Variants in LRIG1 observed in about 807,000 individuals in gnomAD.
The protein encoded by LRIG1 is leucine rich repeats and immunoglobulin like domains 1.
Under a neutral mutation model 99.2 loss-of-function variants are expected in LRIG1, and 48 were observed. The ratio of observed to expected loss-of-function variants is 0.48; its 90% CI spans 0.38 to 0.62. The LOEUF is 0.62. LRIG1 is among the 20% of genes least tolerant of loss of function. The pLI, the probability that LRIG1 is intolerant of heterozygous loss-of-function variation, is 0.00. For synonymous variants in LRIG1, 772 were observed against 596.1 expected (o/e 1.29, Z -4.30); for missense variants, 1,646 against 1,434.4 (o/e 1.15, Z -2.38).
At position 66,410,373 on chromosome 3, in the gene LRIG1, C is replaced by T. The variant is rs1702426278; in HGVS notation, c.792-101G>A. On this transcript the variant is annotated intron_variant, in intron 6 of 18. Coordinates refer to ENST00000273261, the MANE Select transcript of LRIG1 (RefSeq NM_015541.3). ...CGCTGTACCTGACACTGCGGTCACA[C>T]CAAGGCTAGAACAGTGCACGACAGA... 21 of 1,173,576 alleles carry T rather than the reference C, an allele frequency of 1.8e-5. No individual in the cohort carries two copies. The South Asian group carries it at 2.3e-4, about 13-fold the overall frequency. The allele number at this position is 1,173,576 out of a possible 1,614,324, so 72.7% of individuals were successfully genotyped here.
At chr3:66,432,979 C>T (rs1703226910) in intron 3 of LRIG1, among the ~76,000 whole-genome samples, 1 of 152,214 alleles carries the variant, frequency 6.6e-6, no homozygotes, top group Admixed American at 6.5e-5. Flanking sequence ...CAGCCCACAG[C>T]ATGTCAACAC....
chr3:66,465,468 A>G (rs1700453002), intron 1 of LRIG1, among the ~76,000 whole-genome samples: 1 of 147,000 alleles, frequency 6.8e-6, no homozygotes, highest in Non-Finnish European at 1.5e-5. Context: ...TTTTCAAGCA[A>G]TTCTCCTACC....
At chr3:66,440,554 G>C (rs1484123829) in intron 3 of LRIG1, among the ~76,000 whole-genome samples, 1 of 152,140 alleles carries the variant, frequency 6.6e-6, no homozygotes, top group Non-Finnish European at 1.5e-5. Context: ...ATTTTTATGG[G>C]ATGTAAATAG....
At chr3:66,390,605 G>T (rs1701579762) in intron 12 of LRIG1, among the ~76,000 whole-genome samples, 1 of 152,088 alleles carries the variant, frequency 6.6e-6, no homozygotes, top group African/African-American at 2.4e-5. Context: ...AAATTGACAA[G>T]CTGATCCAAA....
intron 3 of LRIG1, among the ~76,000 whole-genome samples, chr3:66,436,309 T>A (rs1277436141): frequency 6.6e-6 from 1 of 152,132 alleles, no homozygotes; most frequent in Non-Finnish European, 1.5e-5. Context: ...TGGGAGGTGT[T>A]CCATGGAAAG....
chr3:66,453,747 G>A (rs534320858), intron 2 of LRIG1, among the ~76,000 whole-genome samples: 31 of 152,252 alleles, frequency 2.0e-4, no homozygotes, highest in African/African-American at 7.5e-4. Flanking sequence ...AAGGCCAGCT[G>A]GAAAGCTCAT....
chr3:66,392,120 C>A (rs1701643299), intron 12 of LRIG1, among the ~76,000 whole-genome samples: 1 of 152,166 alleles, frequency 6.6e-6, no homozygotes, highest in Admixed American at 6.5e-5. Flanking sequence ...ATTCATGTTG[C>A]AGGACTACTG....
chr3:66,384,344 C>A, intron 13 of LRIG1, 72 bp from the exon 14 acceptor site: 1 of 1,482,428 alleles, frequency 6.7e-7, no homozygotes, highest in South Asian at 1.3e-5. Context: ...CTCTGGCAAA[C>A]ACCTACCTGT....
chr3:66,397,892 T>C (rs1295217322), intron 11 of LRIG1, among the ~76,000 whole-genome samples: 1 of 152,262 alleles, frequency 6.6e-6, no homozygotes, highest in African/African-American at 2.4e-5. Context: ...AATGTGACTT[T>C]ATGGGCACAT....
At chr3:66,381,017 G>T in intron 17 of LRIG1, 156 bp from the exon 18 acceptor site, 1 of 713,702 alleles carries the variant, frequency 1.4e-6, no homozygotes, top group Non-Finnish European at 2.3e-6. Flanking sequence ...TGTCCCCAGA[G>T]AAAGGACTGG....
intron 12 of LRIG1, among the ~76,000 whole-genome samples, chr3:66,393,809 A>G (rs1701720497): frequency 1.3e-5 from 2 of 152,174 alleles, no homozygotes; most frequent in African/African-American, 4.8e-5. Context: ...AACTGAACCA[A>G]CTTATACTCC....
At chr3:66,410,302 AG>A in intron 6 of LRIG1, 30 bp from the exon 7 acceptor site, 1 of 1,573,508 alleles carries the variant, frequency 6.4e-7, no homozygotes. Context: ...CAGGATGAAG[AG>A]GAGCTTTCAC....
At chr3:66,481,729 T>C (rs1260009579) in intron 1 of LRIG1, among the ~76,000 whole-genome samples, 1 of 152,248 alleles carries the variant, frequency 6.6e-6, no homozygotes, top group Non-Finnish European at 1.5e-5. Flanking sequence ...GTGATCTTTG[T>C]GGCAGGAAGA....
intron 2 of LRIG1, among the ~76,000 whole-genome samples, chr3:66,453,309 G>A (rs1354298729): frequency 6.6e-6 from 1 of 152,184 alleles, no homozygotes; most frequent in Non-Finnish European, 1.5e-5. Context: ...AATTAATGAA[G>A]GCTGACTATG....
At chr3:66,384,678 C>T (rs1238447551) in intron 13 of LRIG1, among the ~76,000 whole-genome samples, 1 of 151,910 alleles carries the variant, frequency 6.6e-6, no homozygotes, top group African/African-American at 2.4e-5. Context: ...CTTGGGAGAG[C>T]AATGGGATGG....
intron 3 of LRIG1, among the ~76,000 whole-genome samples, chr3:66,438,186 G>A (rs900520356): frequency 2.0e-5 from 3 of 152,140 alleles, no homozygotes; most frequent in South Asian, 2.1e-4. Context: ...CACCGGACCC[G>A]AAGGGCCTGC....
chr3:66,473,706 T>C (rs928318266), intron 1 of LRIG1, among the ~76,000 whole-genome samples: 4 of 152,228 alleles, frequency 2.6e-5, no homozygotes, highest in African/African-American at 9.6e-5. Flanking sequence ...TTTTCAAGAA[T>C]ACATCCGCTG....
Position 66,500,333 on chromosome 3 carries a change from C to CA in LRIG1, c.74dup (p.Leu25PhefsTer58). On this transcript the variant is annotated frameshift_variant, in exon 1 of 19. Transcript: ENST00000273261. LOFTEE classifies it high-confidence loss of function. ...CGGCGGTCACCGGCTCCAGCCGAAGCAAAAGCAGCCAGAGAAGGAGAAGGC... is the reference window on the plus strand; with the variant it reads ...CGGCGGTCACCGGCTCCAGCCGAAGCAAAAAGCAGCCAGAGAAGGAGAAGGC... 6.7e-7 allele frequency: 1 copy of CA among 1,493,028 alleles called. No homozygotes were observed. Among genetic ancestry groups the CA allele is most frequent in the Non-Finnish European group, 8.9e-7 (1 of 1,127,066 alleles). 92.5% of individuals were successfully genotyped at this position (1,493,028 alleles called of 1,614,324 possible). A position where few individuals can be genotyped will look rare whatever the true frequency, so the allele number is the denominator to read the frequency against.
chr3:66,414,334 T>C (rs982933332), intron 5 of LRIG1, among the ~76,000 whole-genome samples: 3 of 151,810 alleles, frequency 2.0e-5, no homozygotes, highest in Admixed American at 6.6e-5. Flanking sequence ...GGGGCGGAGC[T>C]TGCAGTGAGC....
Sources: gnomAD v4.1 joint callset for allele counts (sites outside exome capture counted in the v4.1 genomes callset) on GRCh38, gnomAD v4.1.1 for gene constraint, MANE v1.5 for transcripts, NCBI Gene and HGNC (gene_info 2026-07-23, HGNC 2026-07-21) for gene names.